The following FOXP1 variants were observed in gnomAD, a reference collection of about 807,000 sequenced individuals.
FOXP1 encodes the protein forkhead box P1, also known as forkhead box protein P1.
In FOXP1, 15 loss-of-function variants were observed where a neutral mutation model predicts 98.2. That is an observed-to-expected ratio of 0.15 (90% CI 0.10 to 0.24). FOXP1 has a LOEUF of 0.24. Ranked by LOEUF, FOXP1 falls within the 10% of genes least tolerant of loss-of-function variation. The pLI is 1.00. For synonymous variants in FOXP1, 371 were observed against 314.5 expected (o/e 1.18, Z -1.90); for missense variants, 633 against 848.5 (o/e 0.75, Z 3.15).
chr3:71,338,148 G>C (rs995223566), intron 4 of FOXP1, among the ~76,000 whole-genome samples: 41 of 152,162 alleles, frequency 2.7e-4, no homozygotes, highest in Non-Finnish European at 3.8e-4. Flanking sequence ...GAAATGGGAG[G>C]CTATATGTTC....
chr3:71,191,358 T>C (rs1281016767), intron 6 of FOXP1, among the ~76,000 whole-genome samples: 2 of 152,224 alleles, frequency 1.3e-5, no homozygotes, highest in African/African-American at 4.8e-5. Context: ...GCGTTCTTTT[T>C]TTATGATTAT....
chr3:71,462,379 G>T (rs1431638589), intron 3 of FOXP1, among the ~76,000 whole-genome samples: 1 of 152,146 alleles, frequency 6.6e-6, no homozygotes, highest in African/African-American at 2.4e-5. Flanking sequence ...AATTTCTTGA[G>T]AAAAATAAAA....
chr3:71,429,312 G>A (rs566941817), intron 3 of FOXP1, among the ~76,000 whole-genome samples: 1 of 152,228 alleles, frequency 6.6e-6, no homozygotes, highest in African/African-American at 2.4e-5. Flanking sequence ...AAGAACAGCA[G>A]GAAAAGAAAT....
At chr3:71,372,277 C>T (rs1197608598) in intron 3 of FOXP1, among the ~76,000 whole-genome samples, 23 of 151,806 alleles carry the variant, frequency 1.5e-4, no homozygotes, top group Non-Finnish European at 3.4e-4. Context: ...CCGTCTCAGC[C>T]TGCCAACGTG....
At chr3:71,488,616 T>C (rs1199114432) in intron 3 of FOXP1, among the ~76,000 whole-genome samples, 6 of 152,232 alleles carry the variant, frequency 3.9e-5, no homozygotes, top group Admixed American at 2.0e-4. Context: ...CAGTTAGCTA[T>C]GTGGAAAATA....
rs564546944 is a variant in FOXP1, at chr3:71,517,793, T to C, written c.-297-24238A>G. Reference sequence around the variant, plus strand: ...AGACCTCAGTCTCCTCAACTTAAGATGGGAAAACAAACTCGCTGGACTACT... The same window carrying C: ...AGACCTCAGTCTCCTCAACTTAAGACGGGAAAACAAACTCGCTGGACTACT... On this transcript the variant is annotated intron_variant, in intron 2 of 20. Transcript: ENST00000649528. Among the ~76,000 whole-genome samples, 3 of 152,278 alleles carry C rather than the reference T, an allele frequency of 2.0e-5. No individual in the cohort carries two copies. The East Asian group carries it at 5.8e-4, about 29-fold the overall frequency.
chr3:71,281,311 G>A (rs2071539598), intron 5 of FOXP1, among the ~76,000 whole-genome samples: 1 of 152,012 alleles, frequency 6.6e-6, no homozygotes, highest in Non-Finnish European at 1.5e-5. Context: ...CACCAACCAT[G>A]TGCGCGTGCA....
At chr3:71,481,261 G>A (rs764979412) in intron 3 of FOXP1, among the ~76,000 whole-genome samples, 13 of 152,152 alleles carry the variant, frequency 8.5e-5, no homozygotes, top group Non-Finnish European at 1.6e-4. Flanking sequence ...TCACCTATGA[G>A]TTAGGTACTA....
At chr3:70,991,889 A>C (rs1200420428) in intron 13 of FOXP1, among the ~76,000 whole-genome samples, 1 of 152,188 alleles carries the variant, frequency 6.6e-6, no homozygotes, top group Non-Finnish European at 1.5e-5. Context: ...TGATTCTAAG[A>C]ATCACCTGGG....
intron 3 of FOXP1, among the ~76,000 whole-genome samples, chr3:71,377,149 G>A (rs1045889606): frequency 1.3e-5 from 2 of 152,106 alleles, no homozygotes; most frequent in Admixed American, 6.5e-5. Flanking sequence ...TCACTGATGC[G>A]AAGGTACCCA....
chr3:71,219,156 A>T (rs2065164058), intron 5 of FOXP1, among the ~76,000 whole-genome samples: 1 of 152,124 alleles, frequency 6.6e-6, no homozygotes, highest in African/African-American at 2.4e-5. Flanking sequence ...CTGCCTCTCC[A>T]TACCCTTGCC....
intron 7 of FOXP1, among the ~76,000 whole-genome samples, chr3:71,097,473 T>C (rs934945748): frequency 1.3e-5 from 2 of 152,118 alleles, no homozygotes; most frequent in Admixed American, 1.3e-4. Context: ...CCTGATCTAA[T>C]GGGAAGAAAA....
intron 3 of FOXP1, among the ~76,000 whole-genome samples, chr3:71,464,321 G>A (rs1341364932): frequency 9.9e-5 from 15 of 152,282 alleles, no homozygotes; most frequent in Non-Finnish European, 1.5e-5. Context: ...TGCAAGTCGG[G>A]AGCAGGTGAC....
At chr3:71,180,568 G>GAA (rs1354182483) in intron 6 of FOXP1, among the ~76,000 whole-genome samples, 1 of 152,108 alleles carries the variant, frequency 6.6e-6, no homozygotes. Flanking sequence ...TCTTAGTAAA[G>GAA]AAAACATGGT....
At chr3:71,442,882 T>A (rs536111514) in intron 3 of FOXP1, among the ~76,000 whole-genome samples, 96 of 138,752 alleles carry the variant, frequency 6.9e-4, no homozygotes, top group Admixed American at 2.5e-3. Context: ...TTAAATCTTT[T>A]TTTATTTTTT....
intron 3 of FOXP1, among the ~76,000 whole-genome samples, chr3:71,423,571 C>T (rs1316283749): frequency 6.6e-6 from 1 of 152,244 alleles, no homozygotes; most frequent in Non-Finnish European, 1.5e-5. Context: ...CATGCTCAGA[C>T]ATGGTTCTAC....
At chr3:71,308,769 G>C (rs990340945) in intron 4 of FOXP1, among the ~76,000 whole-genome samples, 2 of 107,324 alleles carry the variant, frequency 1.9e-5, no homozygotes, top group Admixed American at 8.8e-5. Flanking sequence ...GTGTGTGTGT[G>C]TGTGTGTGTG....
chr3:71,112,702 A>G, intron 6 of FOXP1, 65 bp from the exon 7 acceptor site: 2 of 1,238,688 alleles, frequency 1.6e-6, no homozygotes, highest in Non-Finnish European at 1.2e-6. Context: ...TTCATAAAAA[A>G]GGATTCCAGG....
chr3:71,123,246 C>A (rs2058915467), intron 6 of FOXP1, among the ~76,000 whole-genome samples: 1 of 152,332 alleles, frequency 6.6e-6, no homozygotes. Flanking sequence ...AGCCCTGCAT[C>A]TGAATCCCTG....
Sources: gnomAD v4.1 joint callset for allele counts (sites outside exome capture counted in the v4.1 genomes callset) on GRCh38, gnomAD v4.1.1 for gene constraint, MANE v1.5 for transcripts, NCBI Gene and HGNC (gene_info 2026-07-23, HGNC 2026-07-21) for gene names.